MNS1: variants seen among roughly 807,000 people sequenced by gnomAD.
The protein encoded by MNS1 is meiosis specific nuclear structural 1.
A neutral mutation model predicts 72.0 loss-of-function variants in MNS1; 63 were observed. The observed-to-expected ratio is 0.87, with a 90% CI of 0.71 to 1.08. MNS1 has a LOEUF of 1.08. Ranked by LOEUF, MNS1 falls within the 50% of genes least tolerant of loss-of-function variation. The probability of loss-of-function intolerance (pLI) is 0.00; values close to 1 mark genes in which losing one functional copy is unlikely to be tolerated. For missense variants in MNS1, 604 were observed against 562.4 expected (o/e 1.07, Z -0.75); for synonymous variants, 188 against 172.1 (o/e 1.09, Z -0.72).
At chr15:56,454,131 G>A (rs936631841) in intron 3 of MNS1, among the ~76,000 whole-genome samples, 1 of 152,052 alleles carries the variant, frequency 6.6e-6, no homozygotes, top group Non-Finnish European at 1.5e-5. Flanking sequence ...ATGACTTTTA[G>A]TTTGAAAAAA....
At chr15:56,430,534 T>C (rs3784552) in intron 9 of MNS1, among the ~76,000 whole-genome samples, 53,075 of 152,076 alleles carry the variant, frequency 0.35, 10,662 homozygotes, top group Non-Finnish European at 0.45. Flanking sequence ...AGTCACAGTG[T>C]GTCTCAGGTA....
Position 56,450,062 on chromosome 15 carries a change from T to A in MNS1, c.354-3119A>T, listed in dbSNP as rs116669834. Among the ~76,000 whole-genome samples, 1,223 of 152,294 alleles carry A rather than the reference T, an allele frequency of 8.0e-3. 16 individuals carry two copies. The highest frequency in any genetic ancestry group is 0.028 in the African/African-American group (1,168 of 41,572). On this transcript the variant is annotated intron_variant, in intron 3 of 9. Transcript: ENST00000260453. Reference sequence around the variant, plus strand: ...TTACTCATTTCTGCTCTTATCTTTATTATTGCCTTCCTCCTACCTTCTTTT... The same window carrying A: ...TTACTCATTTCTGCTCTTATCTTTAATATTGCCTTCCTCCTACCTTCTTTT...
intron 3 of MNS1, among the ~76,000 whole-genome samples, chr15:56,448,280 T>C (rs1309454736): frequency 2.6e-5 from 4 of 152,234 alleles, no homozygotes; most frequent in Non-Finnish European, 5.9e-5. Flanking sequence ...TGGGGGTACA[T>C]GTGCAGATTT....
Position 56,465,070 on chromosome 15 carries a change from G to A in MNS1, c.-98C>T. ...AGCCCCAAGGAGCGCACCTGGCTGC[G>A]CGCGCTCGGGTGTTTACGCGGCGTC... is the stretch of plus-strand genomic sequence containing the variant. On this transcript the variant is annotated 5_prime_UTR_variant, in exon 1 of 10. Transcript: ENST00000260453. 2 of 1,519,650 alleles carry A rather than the reference G, an allele frequency of 1.3e-6. No homozygotes were observed. Among genetic ancestry groups the A allele is most frequent in the Non-Finnish European group, 1.8e-6 (2 of 1,122,538 alleles). The allele number at this position is 1,519,650 out of a possible 1,614,324, so 94.1% of individuals were successfully genotyped here.
At chr15:56,431,616 G>T (rs937220296) in intron 8 of MNS1, 118 bp from the exon 9 acceptor site, 36 of 845,746 alleles carry the variant, frequency 4.3e-5, no homozygotes, top group South Asian at 2.3e-4. Context: ...ATGACACTAA[G>T]TTCAAAAGAT....
chr15:56,465,073 C>G lies in MNS1; in HGVS notation c.-101G>C, dbSNP rs1331190338. 1.3e-6 allele frequency: 2 copies of G among 1,514,080 alleles called. No homozygotes were observed. The highest frequency in any genetic ancestry group is 2.8e-5 in the African/African-American group (2 of 71,098). The allele number at this position is 1,514,080 out of a possible 1,614,324, so 93.8% of individuals were successfully genotyped here. On this transcript the variant is annotated 5_prime_UTR_variant, in exon 1 of 10. Coordinates refer to ENST00000260453, the MANE Select transcript of MNS1 (RefSeq NM_018365.4). ...CCCAAGGAGCGCACCTGGCTGCGCG[C>G]GCTCGGGTGTTTACGCGGCGTCTTG... is the stretch of plus-strand genomic sequence containing the variant.
chr15:56,459,999 AAAAAAAAAAAATAC>A (rs2051006979), intron 2 of MNS1, among the ~76,000 whole-genome samples: 1 of 33,684 alleles, frequency 3.0e-5, no homozygotes, highest in Non-Finnish European at 5.8e-5. Flanking sequence ...TCAAAAAAAA[AAAAAAAAAAAATAC>A]ATATATATAT....
At chr15:56,463,743 C>A in intron 2 of MNS1, 1 of 312,170 alleles carries the variant, frequency 3.2e-6, no homozygotes, top group Middle Eastern at 9.3e-4. Context: ...GATCGTGCCA[C>A]TGCACTGCAA....
chr15:56,460,140 C>CT (rs2051011389), intron 2 of MNS1, among the ~76,000 whole-genome samples: 1 of 149,280 alleles, frequency 6.7e-6, no homozygotes. Context: ...TAAGGTTTCA[C>CT]TTATATAGGC....
chr15:56,460,009 A>AAAAAAAAAAAATATATATATATAT, intron 2 of MNS1, among the ~76,000 whole-genome samples: 7 of 26,402 alleles, frequency 2.7e-4, no homozygotes, highest in African/African-American at 4.5e-4. Flanking sequence ...AAAAAAAAAA[A>AAAAAAAAAAAATATATATATATAT]ATACATATAT....
In MNS1 at chr15:56,428,783, AACACAGACAGAAGGCAGTTC is replaced by A; in HGVS notation, c.*298_*317del. The A allele has an allele frequency of 2.8e-6, 1 of 355,382 alleles. No homozygotes were observed. The allele number at this position is 355,382 out of a possible 1,614,324, so 22.0% of individuals were successfully genotyped here. On this transcript the variant is annotated 3_prime_UTR_variant, in exon 10 of 10. Coordinates refer to ENST00000260453, the MANE Select transcript of MNS1 (RefSeq NM_018365.4). ...CTAAATCAAGTAAGTAAAGTTCGTA[AACACAGACAGAAGGCAGTTC>A]ACTTTGGGGTAGAGTTCTGTATTAG...
intron 3 of MNS1, among the ~76,000 whole-genome samples, chr15:56,455,378 GT>G (rs1487500862): frequency 6.6e-6 from 1 of 151,880 alleles, no homozygotes; most frequent in African/African-American, 2.4e-5. Context: ...CTAAGGATCG[GT>G]AATCTCTTAG....
chr15:56,463,997 A>G, intron 2 of MNS1, 29 bp downstream of exon 2: 1 of 1,564,848 alleles, frequency 6.4e-7, no homozygotes, highest in Middle Eastern at 1.7e-4. Context: ...AAAATGAAAA[A>G]AAAAGTAACA....
intron 9 of MNS1, 92 bp from the exon 10 acceptor site, chr15:56,429,285 A>C: frequency 2.6e-6 from 2 of 776,150 alleles, no homozygotes; most frequent in Non-Finnish European, 4.2e-6. Flanking sequence ...TAGTAAAGTT[A>C]TCTCCAAGGT....
At chr15:56,453,806 G>A (rs1345187638) in intron 3 of MNS1, among the ~76,000 whole-genome samples, 3 of 152,036 alleles carry the variant, frequency 2.0e-5, no homozygotes, top group South Asian at 4.1e-4. Context: ...TCAATTAACA[G>A]GAGTCATGAT....
At chr15:56,446,540 T>C (rs1488732802) in intron 4 of MNS1, among the ~76,000 whole-genome samples, 1 of 152,032 alleles carries the variant, frequency 6.6e-6, no homozygotes, top group Non-Finnish European at 1.5e-5. Flanking sequence ...AATACACTTA[T>C]CATGGTAACA....
intron 8 of MNS1, among the ~76,000 whole-genome samples, chr15:56,432,393 C>T (rs910616948): frequency 1.3e-5 from 2 of 152,058 alleles, no homozygotes; most frequent in Admixed American, 6.6e-5. Context: ...GTATGATTTT[C>T]GTAGAGGTAG....
At chr15:56,452,085 C>T (rs1308242025) in intron 3 of MNS1, among the ~76,000 whole-genome samples, 1 of 152,178 alleles carries the variant, frequency 6.6e-6, no homozygotes, top group Non-Finnish European at 1.5e-5. Context: ...TACTTGTCTT[C>T]CCTGTCCTAT....
chr15:56,437,272 C>A (rs1206687791), intron 7 of MNS1, among the ~76,000 whole-genome samples: 1 of 152,174 alleles, frequency 6.6e-6, no homozygotes, highest in Admixed American at 6.5e-5. Flanking sequence ...CCACCATGAT[C>A]AAGTGGGCTT....
Sources: allele counts gnomAD v4.1 joint callset (sites outside exome capture counted in the v4.1 genomes callset), GRCh38; gene constraint gnomAD v4.1.1; transcripts MANE v1.5; gene names NCBI Gene and HGNC (gene_info 2026-07-23, HGNC 2026-07-21).